NUDC: variants seen among roughly 807,000 people sequenced by gnomAD.
NUDC encodes nuclear distribution C, dynein complex regulator.
In NUDC, 14 loss-of-function variants were observed where a neutral mutation model predicts 45.0. That is an observed-to-expected ratio of 0.31 (90% CI 0.21 to 0.49). The LOEUF (loss-of-function observed/expected upper bound fraction) is 0.49. Ranked by LOEUF, NUDC falls within the 20% of genes least tolerant of loss-of-function variation. The pLI, the probability that NUDC is intolerant of heterozygous loss-of-function variation, is 0.99. For missense variants in NUDC, 323 were observed against 426.2 expected, an observed-to-expected ratio of 0.76 and a Z score of 2.13; for synonymous variants, 153 against 156.7, an observed-to-expected ratio of 0.98 and a Z score of 0.17.
intron 1 of NUDC, among the ~76,000 whole-genome samples, 165 bp from the exon 2 acceptor site, chr1:26,923,924 A>G (rs1022749758): frequency 1.3e-5 from 2 of 152,178 alleles, no homozygotes; most frequent in African/African-American, 2.4e-5. Flanking sequence ...TCATGGTGGA[A>G]GTGACTAAGA....
intron 2 of NUDC, among the ~76,000 whole-genome samples, chr1:26,904,398 G>A (rs1186447679): frequency 2.6e-5 from 4 of 151,824 alleles, no homozygotes; most frequent in Non-Finnish European, 5.9e-5. Context: ...TTGAACTCCT[G>A]GCCTCAAGTG....
At chr1:26,928,097 G>A (rs2082149182) in intron 2 of NUDC, among the ~76,000 whole-genome samples, 1 of 152,102 alleles carries the variant, frequency 6.6e-6, no homozygotes, top group Admixed American at 6.6e-5. Context: ...AATCAATATG[G>A]TATTGATAGA....
upstream of NUDC, among the ~76,000 whole-genome samples, chr1:26,921,381 G>C (rs2082089711): frequency 6.6e-6 from 1 of 152,166 alleles, no homozygotes; most frequent in South Asian, 2.1e-4. Context: ...TTCTAGGATT[G>C]GAAGAGATGA....
upstream of NUDC, chr1:26,921,612 A>G (rs2082091136): frequency 1.7e-6 from 1 of 583,334 alleles, no homozygotes; most frequent in Non-Finnish European, 3.1e-6. Flanking sequence ...TTGGCTCCGA[A>G]TGTCGACCAA....
At chr1:26,918,041 A>C (rs2082070336), upstream of NUDC, among the ~76,000 whole-genome samples, 1 of 152,154 alleles carries the variant, frequency 6.6e-6, no homozygotes, top group South Asian at 2.1e-4. Context: ...CATACTAAAC[A>C]ACATGAATTC....
chr1:26,919,533 C>G (rs1473558260), upstream of NUDC, among the ~76,000 whole-genome samples: 1 of 152,130 alleles, frequency 6.6e-6, no homozygotes, highest in Admixed American at 6.6e-5. Flanking sequence ...TCCTGGGAAT[C>G]ATTTATATTG....
chr1:26,905,102 T>A (rs1188949301), intron 2 of NUDC, among the ~76,000 whole-genome samples: 1 of 150,072 alleles, frequency 6.7e-6, no homozygotes, highest in Non-Finnish European at 1.5e-5. Flanking sequence ...CCTCCCAAAG[T>A]GCTGGGATTA....
Position 26,942,928 on chromosome 1 carries a change from A to G in NUDC, c.604A>G (p.Ile202Val), listed in dbSNP as rs776915568. The change falls in exon 6 of 9, where the codon ATC becomes GTC. Residue 202 changes from isoleucine to valine, a missense_variant. This residue lies in a region of NUDC where 245 missense variants were observed against 278.8 expected (regional missense o/e 0.88). Coordinates refer to ENST00000321265, the MANE Select transcript of NUDC (RefSeq NM_006600.4). ...RLKGKDMVVDIQRRHLRVGLK... is the reference protein window; with the variant it reads ...RLKGKDMVVDVQRRHLRVGLK... ...GAAAGGGAAGGACATGGTGGTGGAC[A>G]TCCAGCGGCGGCACCTCCGGGTGGG... The G allele has an allele frequency of 6.2e-6, 10 of 1,614,014 alleles. No homozygotes were observed. In the South Asian group the frequency reaches 9.9e-5, roughly 16 times the overall value.
At chr1:26,926,541 C>CA (rs566362037) in intron 2 of NUDC, among the ~76,000 whole-genome samples, 1 of 151,840 alleles carries the variant, frequency 6.6e-6, no homozygotes, top group African/African-American at 2.4e-5. Flanking sequence ...CGCAAACTTA[C>CA]AAAAAAATAC....
At chr1:26,944,161 T>C (rs918658678) in intron 6 of NUDC, among the ~76,000 whole-genome samples, 1 of 152,090 alleles carries the variant, frequency 6.6e-6, no homozygotes, top group African/African-American at 2.4e-5. Context: ...CCCAAAGTGC[T>C]GGGATTACAG....
At chr1:26,945,772 G>C in intron 8 of NUDC, 86 bp downstream of exon 8, 1 of 947,352 alleles carries the variant, frequency 1.1e-6, no homozygotes, top group Non-Finnish European at 1.7e-6. Context: ...TCACTGCGCT[G>C]CCTCAGGAGC....
At chr1:26,941,218 C>T (rs1252912887) in intron 2 of NUDC, among the ~76,000 whole-genome samples, 2 of 151,558 alleles carry the variant, frequency 1.3e-5, no homozygotes, top group Admixed American at 6.6e-5. Flanking sequence ...TGTGAGCCAG[C>T]GCGCCCGGCC....
exon 1 of NUDC, chr1:26,900,395 T>TG (rs748345930): frequency 1.2e-6 from 2 of 1,613,562 alleles, no homozygotes; most frequent in Admixed American, 3.3e-5. Context: ...TACCGCTCAC[T>TG]ACCAGGTAAA....
chr1:26,937,073 T>G (rs981318882), intron 2 of NUDC, among the ~76,000 whole-genome samples: 2 of 152,192 alleles, frequency 1.3e-5, no homozygotes, highest in Non-Finnish European at 2.9e-5. Flanking sequence ...GCTAGAATGA[T>G]TCAAAACTCA....
At chr1:26,933,988 C>A (rs1570735564) in intron 2 of NUDC, among the ~76,000 whole-genome samples, 2 of 152,028 alleles carry the variant, frequency 1.3e-5, no homozygotes, top group East Asian at 1.9e-4. Flanking sequence ...CCCCAGCTCT[C>A]CTAAAAATAC....
At chr1:26,911,807 G>T in intron 3 of NUDC, 1 of 1,613,872 alleles carries the variant, frequency 6.2e-7, no homozygotes, top group South Asian at 1.1e-5. Flanking sequence ...AGCACTGCCA[G>T]CCTCTGCCCA....
At chr1:26,931,172 G>C (rs570556752) in intron 2 of NUDC, among the ~76,000 whole-genome samples, 1 of 151,380 alleles carries the variant, frequency 6.6e-6, no homozygotes, top group South Asian at 2.1e-4. Context: ...CTGCCTCCCA[G>C]GTTCCAGCAG....
At chr1:26,906,110 G>A (rs555207831) in intron 2 of NUDC, among the ~76,000 whole-genome samples, 5 of 152,236 alleles carry the variant, frequency 3.3e-5, no homozygotes, top group East Asian at 3.9e-4. Context: ...TAGAAACCCC[G>A]TCTCTACTAA....
intron 2 of NUDC, among the ~76,000 whole-genome samples, chr1:26,924,474 G>T (rs2082115630): frequency 1.3e-5 from 2 of 152,176 alleles, no homozygotes; most frequent in East Asian, 3.8e-4. Flanking sequence ...GGAGAACCAG[G>T]GTTGAAACCA....
Sources: gnomAD v4.1 joint callset for allele counts (sites outside exome capture counted in the v4.1 genomes callset) on GRCh38, gnomAD v4.1.1 for gene constraint, gnomAD v4.1.1 regional missense constraint, MANE v1.5 for transcripts, NCBI Gene and HGNC (gene_info 2026-07-23, HGNC 2026-07-21) for gene names.